PSD3: variants seen among roughly 807,000 people sequenced by gnomAD.
The protein encoded by PSD3 is pleckstrin and Sec7 domain containing 3, also known as PH and SEC7 domain-containing protein 3.
PSD3 carries 49 observed loss-of-function variants against 105.5 expected under a neutral mutation model. The ratio of observed to expected loss-of-function variants is 0.46; its 90% confidence interval spans 0.37 to 0.59. PSD3 has a LOEUF of 0.59. PSD3 is among the 20% of genes least tolerant of loss of function. The pLI is 0.00. For synonymous variants in PSD3, 557 were observed against 457.8 expected, an observed-to-expected ratio of 1.22 and a Z score of -2.77; for missense variants, 1,561 against 1,263.8, an observed-to-expected ratio of 1.24 and a Z score of -3.57.
At chr8:18,808,700 G>A (rs2638653) in intron 4 of PSD3, 964,288 of 1,609,768 alleles carry the variant, frequency 0.6, 293,816 homozygotes, top group Non-Finnish European at 0.63. Context: ...ACAAGAACCG[G>A]AATTGCTCCT....
chr8:18,567,377 G>A (rs1428144655), intron 14 of PSD3, among the ~76,000 whole-genome samples: 1 of 151,950 alleles, frequency 6.6e-6, no homozygotes, highest in Non-Finnish European at 1.5e-5. Context: ...CTTATGTTAA[G>A]TATGCATATT....
At chr8:18,937,689 A>C (rs2129469187) in intron 1 of PSD3, among the ~76,000 whole-genome samples, 1 of 152,362 alleles carries the variant, frequency 6.6e-6, no homozygotes, top group South Asian at 2.1e-4. Flanking sequence ...GTGTTTGATA[A>C]TCACAGGTTG....
chr8:18,622,922 T>C (rs1806216687), intron 11 of PSD3, among the ~76,000 whole-genome samples: 1 of 152,242 alleles, frequency 6.6e-6, no homozygotes, highest in Non-Finnish European at 1.5e-5. Context: ...TTTTAATGTG[T>C]ACCACAATTA....
intron 2 of PSD3, among the ~76,000 whole-genome samples, chr8:18,927,279 C>A (rs990368550): frequency 1.3e-5 from 2 of 151,984 alleles, no homozygotes; most frequent in African/African-American, 2.4e-5. Context: ...AAGGGCGCAA[C>A]CTTGGCTCAT....
chr8:18,606,049 A>G (rs951400756), intron 11 of PSD3, among the ~76,000 whole-genome samples: 2 of 152,144 alleles, frequency 1.3e-5, no homozygotes, highest in Non-Finnish European at 2.9e-5. Flanking sequence ...ACAGATTTCT[A>G]CCCTGAGTCT....
chr8:18,855,160 G>C (rs910992179), intron 4 of PSD3, among the ~76,000 whole-genome samples: 9 of 152,186 alleles, frequency 5.9e-5, no homozygotes, highest in Non-Finnish European at 1.0e-4. Flanking sequence ...GGATTATGAG[G>C]ACCTGGAGAT....
At chr8:18,768,586 G>T (rs573746604) in intron 8 of PSD3, among the ~76,000 whole-genome samples, 11 of 152,306 alleles carry the variant, frequency 7.2e-5, no homozygotes, top group African/African-American at 2.4e-4. Context: ...AACAGAGGAA[G>T]ACTTTCAAGA....
intron 1 of PSD3, among the ~76,000 whole-genome samples, chr8:19,020,535 A>T (rs775565565): frequency 1.5e-4 from 23 of 151,866 alleles, no homozygotes; most frequent in Non-Finnish European, 2.8e-4. Context: ...TGTTGTAAAG[A>T]CCCTTAACTG....
At chr8:18,804,071 A>G (rs1260481041) in intron 6 of PSD3, among the ~76,000 whole-genome samples, 1 of 152,188 alleles carries the variant, frequency 6.6e-6, no homozygotes, top group Admixed American at 6.5e-5. Flanking sequence ...TAGACTATCA[A>G]TTCATGTGTC....
intron 1 of PSD3, among the ~76,000 whole-genome samples, chr8:18,946,297 C>T (rs1423712817): frequency 6.6e-6 from 1 of 152,094 alleles, no homozygotes; most frequent in Non-Finnish European, 1.5e-5. Flanking sequence ...ATATTTGAGG[C>T]CAGGTGCGGT....
At chr8:19,071,185 G>A (rs34746745) in intron 1 of PSD3, among the ~76,000 whole-genome samples, 58,750 of 151,770 alleles carry the variant, frequency 0.39, 12,768 homozygotes, top group East Asian at 0.72. Context: ...TCAGCCTCCC[G>A]ATTAGCTGGG....
intron 14 of PSD3, among the ~76,000 whole-genome samples, chr8:18,561,365 G>C (rs924679443): frequency 6.6e-6 from 1 of 152,176 alleles, no homozygotes; most frequent in Non-Finnish European, 1.5e-5. Context: ...GCTAACTGAA[G>C]TAAGACCGGC....
At chr8:18,912,179 T>A (rs1290814587) in intron 2 of PSD3, among the ~76,000 whole-genome samples, 1 of 152,228 alleles carries the variant, frequency 6.6e-6, no homozygotes, top group Non-Finnish European at 1.5e-5. Flanking sequence ...CCTTATTTCA[T>A]AATGTCATAA....
chr8:18,810,781 A>G (rs1166288160), intron 4 of PSD3, among the ~76,000 whole-genome samples: 1 of 152,212 alleles, frequency 6.6e-6, no homozygotes, highest in African/African-American at 2.4e-5. Context: ...AGTGGAATAA[A>G]AAGACCAGTG....
At chr8:18,975,500 T>G (rs552337930) in intron 1 of PSD3, among the ~76,000 whole-genome samples, 16 of 152,266 alleles carry the variant, frequency 1.1e-4, no homozygotes, top group Admixed American at 5.9e-4. Context: ...GAACTAGAGA[T>G]AAGTCACTTG....
At chr8:18,860,453 T>G (rs890720535) in intron 4 of PSD3, among the ~76,000 whole-genome samples, 2 of 145,822 alleles carry the variant, frequency 1.4e-5, no homozygotes, top group Non-Finnish European at 3.0e-5. Flanking sequence ...AATCTGTAAT[T>G]TGAATAAAAA....
At chr8:18,771,773 A>G (rs1807558177) in intron 8 of PSD3, among the ~76,000 whole-genome samples, 1 of 152,238 alleles carries the variant, frequency 6.6e-6, no homozygotes, top group African/African-American at 2.4e-5. Context: ...AACAGTTTTA[A>G]GCATTCAGTT....
At chr8:18,613,869 G>A (rs1182293375) in intron 11 of PSD3, among the ~76,000 whole-genome samples, 1 of 152,158 alleles carries the variant, frequency 6.6e-6, no homozygotes, top group African/African-American at 2.4e-5. Flanking sequence ...CACCAGCGCT[G>A]CAACTCCTAA....
intron 8 of PSD3, among the ~76,000 whole-genome samples, chr8:18,785,175 A>G (rs572162426): frequency 5.1e-4 from 77 of 152,214 alleles, no homozygotes; most frequent in Middle Eastern, 6.8e-3. Flanking sequence ...TGTATTTCTT[A>G]TTTGTCATAG....
Sources: gnomAD v4.1 joint callset for allele counts (sites outside exome capture counted in the v4.1 genomes callset) on GRCh38, gnomAD v4.1.1 for gene constraint, MANE v1.5 for transcripts, NCBI Gene and HGNC (gene_info 2026-07-23, HGNC 2026-07-21) for gene names.